The following GPR55 variants were observed in gnomAD, a reference collection of about 807,000 sequenced individuals.
The protein encoded by GPR55 is G protein-coupled receptor 55.
Under a neutral mutation model 7.9 loss-of-function variants are expected in GPR55, and 6 were observed. That is an observed-to-expected ratio of 0.76 (90% CI 0.41 to 1.49). GPR55 has a LOEUF of 1.49. Among genes scored for constraint, GPR55 ranks in the 40% most tolerant of loss-of-function variants. GPR55 has a pLI of 0.01. For synonymous variants in GPR55, 183 were observed against 166.8 expected (o/e 1.10, Z -0.75); for missense variants, 376 against 406.0 (o/e 0.93, Z 0.63).
intron 1 of GPR55, among the ~76,000 whole-genome samples, chr2:230,958,251 A>C (rs180789253): frequency 1.3e-5 from 2 of 152,304 alleles, no homozygotes; most frequent in South Asian, 4.1e-4. Context: ...ACTTTAAAAA[A>C]TTTTTTTAAA....
chr2:230,926,014 C>T (rs1690935348), upstream of GPR55, among the ~76,000 whole-genome samples: 1 of 152,222 alleles, frequency 6.6e-6, no homozygotes, highest in African/African-American at 2.4e-5. Context: ...GCTGAAACTA[C>T]CCCGGCAGAT....
intron 1 of GPR55, among the ~76,000 whole-genome samples, chr2:230,941,965 G>A (rs1482072561): frequency 1.3e-5 from 2 of 152,154 alleles, no homozygotes; most frequent in Non-Finnish European, 2.9e-5. Flanking sequence ...TCCAGCCCAG[G>A]GGTCCTGGAC....
At chr2:230,931,659 G>A (rs772115688) in intron 1 of GPR55, among the ~76,000 whole-genome samples, 6 of 152,092 alleles carry the variant, frequency 3.9e-5, no homozygotes, top group Non-Finnish European at 7.4e-5. Context: ...GGCCCCGACC[G>A]CTGCACCCAC....
chr2:230,948,426 A>C (rs1173319109), intron 1 of GPR55, among the ~76,000 whole-genome samples: 1 of 152,118 alleles, frequency 6.6e-6, no homozygotes. Context: ...CTAATTGCAA[A>C]ATAATAATAA....
chr2:230,935,462 G>T (rs13382621), intron 1 of GPR55, among the ~76,000 whole-genome samples: 1 of 151,800 alleles, frequency 6.6e-6, no homozygotes, highest in Non-Finnish European at 1.5e-5. Context: ...GTTTTGCCCA[G>T]TTGATTGAGT....
rs1690874678 is a variant in GPR55, at chr2:230,923,022, C to G, written c.-135+2146G>C. ...CCCGGCCTGTGCTGGTTCTTAATTG[C>G]TGACTCTACACATTCTGCAGCTGGG... On this transcript the variant is annotated intron_variant, in intron 1 of 1. Coordinates refer to ENST00000650999, the MANE Select transcript of GPR55 (RefSeq NM_005683.4). This position sits in a 1 kb window ranked among gnomAD's most constrained non-coding sequence, Gnocchi z 4.1. Among the ~76,000 whole-genome samples, 1 of 152,184 alleles carries G rather than the reference C, an allele frequency of 6.6e-6. No homozygotes were observed. The highest frequency in any genetic ancestry group is 2.4e-5 in the African/African-American group (1 of 41,412).
intron 1 of GPR55, among the ~76,000 whole-genome samples, chr2:230,959,378 G>A (rs1691534834): frequency 6.6e-6 from 1 of 152,156 alleles, no homozygotes; most frequent in African/African-American, 2.4e-5. Context: ...AGCCCAGGGA[G>A]GTCAAGGCTG....
chr2:230,923,018 A>T lies in GPR55; in HGVS notation c.-135+2150T>A, dbSNP rs556489005. Among the ~76,000 whole-genome samples, 1 of 152,182 alleles carries T rather than the reference A, an allele frequency of 6.6e-6. No individual in the cohort carries two copies. Among genetic ancestry groups the T allele is most frequent in the South Asian group, 2.1e-4 (1 of 4,820 alleles). ...AGCACCCGGCCTGTGCTGGTTCTTA[A>T]TTGCTGACTCTACACATTCTGCAGC... On this transcript the variant is annotated intron_variant, in intron 1 of 1. Coordinates refer to ENST00000650999, the MANE Select transcript of GPR55 (RefSeq NM_005683.4). This position sits in a 1 kb window ranked among gnomAD's most constrained non-coding sequence, Gnocchi z 4.1.
chr2:230,945,824 G>A (rs549028497), intron 1 of GPR55, among the ~76,000 whole-genome samples: 1 of 152,056 alleles, frequency 6.6e-6, no homozygotes, highest in Non-Finnish European at 1.5e-5. Flanking sequence ...CGTCCGCCTC[G>A]CCTCCCAAAG....
chr2:230,936,585 G>T lies in GPR55; in HGVS notation c.-135+24190C>A, dbSNP rs545037582. On this transcript the variant is annotated intron_variant, in intron 1 of 1. Coordinates refer to the GPR55 transcript ENST00000392039. ...ATAAATTACCCAGTCTTGGGTATGTGTTTATTAGCAGCATGAGAATGGACT... is the reference window on the plus strand; with the variant it reads ...ATAAATTACCCAGTCTTGGGTATGTTTTTATTAGCAGCATGAGAATGGACT... 2.6e-5 allele frequency among the ~76,000 whole-genome samples: 4 copies of T among 152,298 alleles called. No homozygotes were observed. In the South Asian group the frequency reaches 8.3e-4, roughly 32 times the overall value.
At chr2:230,919,454 A>G (rs1273090238) in intron 1 of GPR55, among the ~76,000 whole-genome samples, 1 of 152,198 alleles carries the variant, frequency 6.6e-6, no homozygotes, top group Non-Finnish European at 1.5e-5. Flanking sequence ...ACAATAGAAG[A>G]ACAAGCCAAT....
chr2:230,942,757 G>A (rs114405352), intron 1 of GPR55, among the ~76,000 whole-genome samples: 2,548 of 152,084 alleles, frequency 0.017, 78 homozygotes, highest in African/African-American at 0.058. Context: ...CCGATGGGGA[G>A]GGTGGGCACC....
At position 230,910,593 on chromosome 2, in the gene GPR55, G is replaced by A. The variant is rs530450588; in HGVS notation, c.370C>T (p.Arg124Cys). The A allele has an allele frequency of 4.1e-5, 66 of 1,614,012 alleles. 1 individual carries two copies. In the East Asian group the frequency reaches 1.2e-3, roughly 29 times the overall value. ...FISMDRFLAI[R>C]YPLLVSHLRS... ...AGGTGGCTCACCAGTAGCGGGTAAC[G>A]GATGGCCAAGAACCGGTCCATGCTG... The change falls in exon 2 of 2, where the codon CGT (arginine) becomes TGT (cysteine). Residue 124 changes from arginine to cysteine, a missense_variant. Arg to Cys is a radical substitution (Grantham distance 180). Coordinates refer to ENST00000650999, the MANE Select transcript of GPR55 (RefSeq NM_005683.4). The surrounding 1 kb of genome is among the most constrained non-coding windows in gnomAD (Gnocchi z 5.4).
At chr2:230,919,823 G>A (rs939619206) in intron 1 of GPR55, among the ~76,000 whole-genome samples, 3 of 151,868 alleles carry the variant, frequency 2.0e-5, no homozygotes, top group Non-Finnish European at 4.4e-5. Flanking sequence ...ATGCCAACAA[G>A]AGGTTAAGTT....
intron 1 of GPR55, among the ~76,000 whole-genome samples, chr2:230,915,834 GTTC>G (rs1464915635): frequency 2.0e-5 from 2 of 98,946 alleles, no homozygotes; most frequent in Non-Finnish European, 3.6e-5. Context: ...CCAACCAGGC[GTTC>G]TTCTGGTTGG....
intron 1 of GPR55, 53 bp from the exon 2 acceptor site, chr2:230,911,149 A>G (rs1690584551): frequency 1.7e-6 from 1 of 600,270 alleles, no homozygotes; most frequent in Non-Finnish European, 3.0e-6. Context: ...AGATGCAACC[A>G]CTGTTACTTT....
At chr2:230,920,176 G>C in intron 1 of GPR55, among the ~76,000 whole-genome samples, 1 of 151,734 alleles carries the variant, frequency 6.6e-6, no homozygotes, top group Non-Finnish European at 1.5e-5. Context: ...TATATATAAT[G>C]CTTGGTGGGG....
At chr2:230,921,511 A>T (rs1017463833) in intron 1 of GPR55, among the ~76,000 whole-genome samples, 3 of 152,260 alleles carry the variant, frequency 2.0e-5, no homozygotes, top group Non-Finnish European at 4.4e-5. Flanking sequence ...CATATTAAAA[A>T]TACAGGCATT....
chr2:230,920,440 C>A lies in GPR55; in HGVS notation c.-135+4728G>T, dbSNP rs543338999. Among the ~76,000 whole-genome samples the A allele has an allele frequency of 3.9e-5, 6 of 151,900 alleles. No homozygotes were observed. In the South Asian group the frequency reaches 8.3e-4, roughly 21 times the overall value. On this transcript the variant is annotated intron_variant, in intron 1 of 1. Transcript: ENST00000650999. ...GGGAGTGTCAAGTGAGACAGCAATC[C>A]CACCCAAATGATGGGAGAACAGCAA...
Sources: allele counts gnomAD v4.1 joint callset (sites outside exome capture counted in the v4.1 genomes callset), GRCh38; gene constraint gnomAD v4.1.1; non-coding constraint Gnocchi (gnomAD v3.1); transcripts MANE v1.5; gene names NCBI Gene and HGNC (gene_info 2026-07-23, HGNC 2026-07-21).